Variants in PPFIA2 observed in about 807,000 individuals in gnomAD.
PPFIA2 encodes PPFI scaffold protein A2.
Under a neutral mutation model 175.5 loss-of-function variants are expected in PPFIA2, and 46 were observed. The observed-to-expected ratio is 0.26, with a 90% CI of 0.21 to 0.34. PPFIA2 has a LOEUF of 0.34. PPFIA2 is among the 10% of genes least tolerant of loss of function. PPFIA2 has a pLI of 1.00. For missense variants in PPFIA2, 1,179 were observed against 1,506.1 expected, an observed-to-expected ratio of 0.78 and a Z score of 3.60; for synonymous variants, 568 against 511.4, an observed-to-expected ratio of 1.11 and a Z score of -1.49.
At chr12:81,594,756 T>C (rs2059061132) in intron 4 of PPFIA2, among the ~76,000 whole-genome samples, 1 of 151,608 alleles carries the variant, frequency 6.6e-6, no homozygotes, top group Admixed American at 6.6e-5. Flanking sequence ...ATACAGAACA[T>C]TAAAAAAGTA....
At chr12:81,308,131 G>A (rs577250655) in intron 22 of PPFIA2, among the ~76,000 whole-genome samples, 5 of 152,046 alleles carry the variant, frequency 3.3e-5, no homozygotes, top group African/African-American at 1.2e-4. Flanking sequence ...ATTTAATACA[G>A]TAAGTGCTAT....
chr12:81,687,731 T>C (rs2074635276), intron 3 of PPFIA2, among the ~76,000 whole-genome samples: 2 of 152,022 alleles, frequency 1.3e-5, no homozygotes, highest in Non-Finnish European at 2.9e-5. Context: ...TATGTCCTAG[T>C]ACACAAATTA....
chr12:81,662,567 C>T (rs1050051020), intron 4 of PPFIA2, among the ~76,000 whole-genome samples: 2 of 152,042 alleles, frequency 1.3e-5, no homozygotes, highest in Non-Finnish European at 2.9e-5. Context: ...TAATAGCTTA[C>T]CAACCAAAAA....
chr12:81,663,485 A>T (rs1248290189), intron 4 of PPFIA2, among the ~76,000 whole-genome samples: 1 of 152,174 alleles, frequency 6.6e-6, no homozygotes, highest in Non-Finnish European at 1.5e-5. Context: ...CTTACAATGG[A>T]TGGAAGGACC....
chr12:81,588,938 T>C (rs1445446674), intron 4 of PPFIA2, among the ~76,000 whole-genome samples: 1 of 152,028 alleles, frequency 6.6e-6, no homozygotes, highest in East Asian at 1.9e-4. Flanking sequence ...ACCTGAAACA[T>C]AGAGTTATTT....
At chr12:81,741,694 C>G (rs2082343787) in intron 3 of PPFIA2, among the ~76,000 whole-genome samples, 1 of 151,264 alleles carries the variant, frequency 6.6e-6, no homozygotes, top group African/African-American at 2.4e-5. Context: ...TATGTGTGGC[C>G]CAAGACAATT....
At chr12:81,499,302 T>A (rs1024792717) in intron 4 of PPFIA2, among the ~76,000 whole-genome samples, 1 of 152,212 alleles carries the variant, frequency 6.6e-6, no homozygotes, top group African/African-American at 2.4e-5. Context: ...TTCGTTCCAG[T>A]TAAGAAAATT....
At chr12:81,411,173 T>C in intron 7 of PPFIA2, among the ~76,000 whole-genome samples, 1 of 152,086 alleles carries the variant, frequency 6.6e-6, no homozygotes, top group East Asian at 1.9e-4. Flanking sequence ...TTTAGGTGTG[T>C]AGAAGATCAC....
At chr12:81,308,849 G>T (rs2050005287) in intron 22 of PPFIA2, among the ~76,000 whole-genome samples, 1 of 152,062 alleles carries the variant, frequency 6.6e-6, no homozygotes, top group South Asian at 2.1e-4. Context: ...AGTTGAATTT[G>T]TTGCCATTCA....
At chr12:81,340,068 C>T (rs1046765203) in intron 20 of PPFIA2, among the ~76,000 whole-genome samples, 1 of 152,044 alleles carries the variant, frequency 6.6e-6, no homozygotes, top group Non-Finnish European at 1.5e-5. Flanking sequence ...TTTTATAACA[C>T]CATGATAAAT....
intron 4 of PPFIA2, among the ~76,000 whole-genome samples, chr12:81,489,191 A>T (rs1442660779): frequency 2.0e-5 from 3 of 151,804 alleles, no homozygotes; most frequent in Non-Finnish European, 2.9e-5. Context: ...CATTGGAAAG[A>T]GTTTAAAATT....
intron 8 of PPFIA2, among the ~76,000 whole-genome samples, chr12:81,391,134 A>C (rs1172415326): frequency 6.6e-6 from 1 of 151,944 alleles, no homozygotes; most frequent in Admixed American, 6.6e-5. Flanking sequence ...GCATTGCAAT[A>C]AAGTATTATC....
intron 15 of PPFIA2, among the ~76,000 whole-genome samples, chr12:81,362,029 C>G (rs567504226): frequency 6.6e-5 from 10 of 151,382 alleles, no homozygotes; most frequent in Admixed American, 4.0e-4. Context: ...ATCTATCTAT[C>G]TATCTATCTA....
chr12:81,511,665 A>T (rs2061814242), intron 4 of PPFIA2, among the ~76,000 whole-genome samples: 1 of 152,076 alleles, frequency 6.6e-6, no homozygotes, highest in Non-Finnish European at 1.5e-5. Context: ...TGGCATCTAC[A>T]TCAGTATATG....
chr12:81,443,858 T>C (rs1440383158), intron 6 of PPFIA2, among the ~76,000 whole-genome samples: 1 of 132,980 alleles, frequency 7.5e-6, no homozygotes. Context: ...TTTTTTTTTT[T>C]TTTTTTTTTT....
chr12:81,324,204 T>C (rs765591890), intron 22 of PPFIA2, among the ~76,000 whole-genome samples: 2 of 152,156 alleles, frequency 1.3e-5, no homozygotes, highest in East Asian at 3.9e-4. Context: ...AACGAGTCTA[T>C]AAAATTATTA....
intron 8 of PPFIA2, among the ~76,000 whole-genome samples, chr12:81,402,522 G>A (rs2042255909): frequency 6.6e-6 from 1 of 151,970 alleles, no homozygotes; most frequent in Non-Finnish European, 1.5e-5. Context: ...TAATAATCAG[G>A]ATACTGTTTT....
intron 3 of PPFIA2, among the ~76,000 whole-genome samples, chr12:81,717,053 A>T (rs1255415743): frequency 6.6e-6 from 1 of 151,690 alleles, no homozygotes. Flanking sequence ...GTGGGACAAC[A>T]TGGGAGTTTA....
At position 81,420,859 on chromosome 12, in the gene PPFIA2, C is replaced by T. The variant is rs149741010; in HGVS notation, c.646-14956G>A. ...TAAGATCAACCCCAAAACACTGCAC[C>T]GAGACAAATTATAATCAAATTATCA... On this transcript the variant is annotated intron_variant, in intron 7 of 32. Transcript: ENST00000549396. 4.1e-3 allele frequency among the ~76,000 whole-genome samples: 618 copies of T among 151,502 alleles called. 10 individuals carry two copies. The highest frequency in any genetic ancestry group is 0.014 in the African/African-American group (566 of 41,274).
Sources: allele counts gnomAD v4.1 joint callset (sites outside exome capture counted in the v4.1 genomes callset), GRCh38; gene constraint gnomAD v4.1.1; transcripts MANE v1.5; gene names NCBI Gene and HGNC (gene_info 2026-07-23, HGNC 2026-07-21).